C1QL3: variants seen among roughly 807,000 people sequenced by gnomAD.
C1QL3 encodes the protein complement C1q-like protein 3.
C1QL3 carries 4 observed loss-of-function variants against 16.6 expected under a neutral mutation model. The observed-to-expected ratio is 0.24, with a 90% confidence interval of 0.12 to 0.55. C1QL3 has a LOEUF of 0.55. Among genes scored for constraint, C1QL3 ranks in the 20% least tolerant of loss-of-function variants. C1QL3 has a pLI of 0.94. For synonymous variants in C1QL3, 189 were observed against 160.2 expected (o/e 1.18, Z -1.36); for missense variants, 269 against 365.6 (o/e 0.74, Z 2.16).
At chr10:16,516,409 A>T (rs916883149) in intron 1 of C1QL3, among the ~76,000 whole-genome samples, 1 of 152,180 alleles carries the variant, frequency 6.6e-6, no homozygotes, top group African/African-American at 2.4e-5. Context: ...TACAAGAAGG[A>T]TATTGCTATT....
chr10:16,518,474 T>C (rs894935848), intron 1 of C1QL3, among the ~76,000 whole-genome samples: 1 of 152,218 alleles, frequency 6.6e-6, no homozygotes, highest in Non-Finnish European at 1.5e-5. Flanking sequence ...GGAATGTGTG[T>C]GCTAGTGTGA....
intron 1 of C1QL3, among the ~76,000 whole-genome samples, chr10:16,518,048 A>G (rs11254044): frequency 0.24 from 36,438 of 152,104 alleles, 4,908 homozygotes; most frequent in African/African-American, 0.35. Context: ...TCCATAGAAC[A>G]TTACACTGAC....
chr10:16,516,735 G>A (rs1836957467), intron 1 of C1QL3, among the ~76,000 whole-genome samples: 1 of 152,186 alleles, frequency 6.6e-6, no homozygotes, highest in African/African-American at 2.4e-5. Flanking sequence ...ACAAAACCGA[G>A]TGAACGTCAC....
At chr10:16,519,438 G>T (rs966724446) in intron 1 of C1QL3, among the ~76,000 whole-genome samples, 6 of 150,972 alleles carry the variant, frequency 4.0e-5, no homozygotes, top group Non-Finnish European at 8.8e-5. Flanking sequence ...GCAAGGCCTC[G>T]CCTCAGTGGC....
Position 16,515,224 on chromosome 10 carries a change from G to GAA in C1QL3, c.589-519_589-518dup, listed in dbSNP as rs71952606. Among the ~76,000 whole-genome samples the GAA allele has an allele frequency of 1.2e-3, 165 of 134,858 alleles. 1 individual carries two copies. The highest frequency in any genetic ancestry group is 5.3e-3 in the South Asian group (23 of 4,304). The allele number at this position is 134,858 out of a possible 152,430, so 88.5% of individuals were successfully genotyped here. A position where few individuals can be genotyped will look rare whatever the true frequency, so the allele number is the denominator to read the frequency against. ...TACCAACTCCTCTACTACTTACAAA[G>GAA]AAAAAAAAAAAAAAGAAAAAGTCTT... is the stretch of plus-strand genomic sequence containing the variant. On this transcript the variant is annotated intron_variant, in intron 1 of 1. Coordinates refer to ENST00000298943, the MANE Select transcript of C1QL3 (RefSeq NM_001010908.2).
chr10:16,520,880 G>A lies in C1QL3; in HGVS notation c.186C>T (p.Pro62=). 1.0e-5 allele frequency: 15 copies of A among 1,505,714 alleles called. No individual in the cohort carries two copies. Among genetic ancestry groups the A allele is most frequent in the Non-Finnish European group, 1.3e-5 (15 of 1,133,738 alleles). The allele number at this position is 1,505,714 out of a possible 1,614,324, so 93.3% of individuals were successfully genotyped here. ...MQSLPTFIQG[P]KGEAGRPGKA... ...TCCCGGGCCTGCCGGCCTCGCCTTT[G>A]GGGCCCTGGATGAAGGTGGGCAGGG... Residue 62 remains proline, a synonymous_variant, in exon 1 of 2, where the codon CCC becomes CCT. Transcript: ENST00000298943. This position sits in a 1 kb window ranked among gnomAD's most constrained non-coding sequence, Gnocchi z 8.3.
At position 16,514,638 on chromosome 10, in the gene C1QL3, GA is replaced by G. The variant is rs1489423254; in HGVS notation, c.657del (p.His220IlefsTer12). ...NYDYASNSVV[L>X]HLEPGDEVYI... is the part of the protein sequence containing the mutation. ...TAGACTTCATCTCCCGGCTCCAAATGAAGAACCACACTGTTACTGGCATAGT... is the reference window on the plus strand; with the variant it reads ...TAGACTTCATCTCCCGGCTCCAAATGAGAACCACACTGTTACTGGCATAGT... On this transcript the variant is annotated frameshift_variant, in exon 2 of 2. Transcript: ENST00000298943. LOFTEE classifies it high-confidence loss of function. 6.2e-7 allele frequency: 1 copy of G among 1,613,918 alleles called. No individual in the cohort carries two copies. Among genetic ancestry groups the G allele is most frequent in the African/African-American group, 1.3e-5 (1 of 75,050 alleles).
rs1340734320 is a variant in C1QL3, at chr10:16,520,137, C to T, written c.588+341G>A. Among the ~76,000 whole-genome samples, 5 of 152,202 alleles carry T rather than the reference C, an allele frequency of 3.3e-5. No homozygotes were observed. Among genetic ancestry groups the T allele is most frequent in the Non-Finnish European group, 5.9e-5 (4 of 68,026 alleles). ...CCCTCTGTTGCGGAGGATCCCACGGCCAGGGGTCGCTTCCCGCGCCGGGAC... is the reference window on the plus strand; with the variant it reads ...CCCTCTGTTGCGGAGGATCCCACGGTCAGGGGTCGCTTCCCGCGCCGGGAC... On this transcript the variant is annotated intron_variant, in intron 1 of 1. Coordinates refer to ENST00000298943, the MANE Select transcript of C1QL3 (RefSeq NM_001010908.2). The surrounding 1 kb of genome is among the most constrained non-coding windows in gnomAD (Gnocchi z 8.3).
rs4747277 is a variant in C1QL3 at position 16,513,803 on chromosome 10, A to G, written c.*725T>C. 0.26 allele frequency: 39,087 copies of G among 152,680 alleles called. 5,510 individuals are homozygous for G. The highest frequency in any genetic ancestry group is 0.41 in the Middle Eastern group (121 of 294). The allele number at this position is 152,680 out of a possible 1,614,324, so 9.5% of individuals were successfully genotyped here. On this transcript the variant is annotated 3_prime_UTR_variant, in exon 2 of 2. Coordinates refer to ENST00000298943, the MANE Select transcript of C1QL3 (RefSeq NM_001010908.2). ...TAAGGGCTTTTTCTAAATACCGTAC[A>G]TAATTACACATTTTCACACTTAGAG...
intron 1 of C1QL3, 95 bp from the exon 2 acceptor site, chr10:16,514,802 A>G (rs999118888): frequency 9.1e-6 from 8 of 877,680 alleles, no homozygotes; most frequent in African/African-American, 5.1e-5. Flanking sequence ...ACTTGCTGCC[A>G]TAGTACAGAA....
chr10:16,514,958 A>C (rs73595362), intron 1 of C1QL3, among the ~76,000 whole-genome samples: 9,459 of 152,212 alleles, frequency 0.062, 949 homozygotes, highest in African/African-American at 0.21. Flanking sequence ...CTAACTACAC[A>C]TTCTAAACTA....
chr10:16,520,622 C>T lies in C1QL3; in HGVS notation c.444G>A (p.Val148=). The T allele has an allele frequency of 1.2e-6, 2 of 1,613,706 alleles. No individual in the cohort carries two copies. Among genetic ancestry groups the T allele is most frequent in the Non-Finnish European group, 1.7e-6 (2 of 1,179,800 alleles). Residue 148 remains valine, a synonymous_variant, in exon 1 of 2, where the codon GTG becomes GTA. Transcript: ENST00000298943. This position sits in a 1 kb window ranked among gnomAD's most constrained non-coding sequence, Gnocchi z 8.3. The part of the protein sequence containing the change: ...EGYEVLKFDD[V]VTNLGNHYDP... ...CGTAGTGGTTTCCGAGGTTGGTGACCACGTCGTCGAACTTGAGCACCTCGT... is the reference window on the plus strand; with the variant it reads ...CGTAGTGGTTTCCGAGGTTGGTGACTACGTCGTCGAACTTGAGCACCTCGT...
intron 1 of C1QL3, among the ~76,000 whole-genome samples, chr10:16,517,503 A>G (rs1342885947): frequency 6.6e-6 from 1 of 152,220 alleles, no homozygotes; most frequent in Non-Finnish European, 1.5e-5. Context: ...ATTGTATTCA[A>G]ATAGCAATTT....
chr10:16,521,126 C>T lies in C1QL3; in HGVS notation c.-61G>A, dbSNP rs1027205144. ...TCCTGCTGCCCACCAGCCGGCTCAG[C>T]GCGGGGCGATCCTCTTGTCTGCTTT... is the stretch of plus-strand genomic sequence containing the variant. On this transcript the variant is annotated 5_prime_UTR_variant, in exon 1 of 2. Transcript: ENST00000298943. 2.1e-6 allele frequency: 3 copies of T among 1,450,010 alleles called. No individual in the cohort carries two copies. Among genetic ancestry groups the T allele is most frequent in the African/African-American group, 2.8e-5 (2 of 70,990 alleles). 89.8% of individuals were successfully genotyped at this position (1,450,010 alleles called of 1,614,324 possible).
At chr10:16,518,426 G>T (rs1836986309) in intron 1 of C1QL3, among the ~76,000 whole-genome samples, 1 of 152,144 alleles carries the variant, frequency 6.6e-6, no homozygotes, top group Admixed American at 6.5e-5. Context: ...ACATTATAAG[G>T]TCAGCTGTTT....
chr10:16,520,441 T>TCCCAA lies in C1QL3; in HGVS notation c.588+36_588+37insTTGGG. 9.8e-6 allele frequency: 12 copies of TCCCAA among 1,227,512 alleles called. No homozygotes were observed. The highest frequency in any genetic ancestry group is 2.1e-5 in the Admixed American group (1 of 46,648). The allele number at this position is 1,227,512 out of a possible 1,614,324, so 76.0% of individuals were successfully genotyped here. A position where few individuals can be genotyped will look rare whatever the true frequency, so the allele number is the denominator to read the frequency against. Reference sequence around the variant, plus strand: ...CCCTCTCGCCCGCACCTTCCCGCGCTCCCTCCCCGCCCTCCCCGCCGCCCG... The same window carrying TCCCAA: ...CCCTCTCGCCCGCACCTTCCCGCGCTCCCAACCCTCCCCGCCCTCCCCGCCGCCCG... On this transcript the variant is annotated intron_variant, in intron 1 of 1. Coordinates refer to ENST00000298943, the MANE Select transcript of C1QL3 (RefSeq NM_001010908.2). The surrounding 1 kb of genome is among the most constrained non-coding windows in gnomAD (Gnocchi z 8.3).
In C1QL3 at chr10:16,521,179, G is replaced by A; in HGVS notation, c.-114C>T. On this transcript the variant is annotated 5_prime_UTR_variant, in exon 1 of 2. Coordinates refer to ENST00000298943, the MANE Select transcript of C1QL3 (RefSeq NM_001010908.2). ...GACAGAATTTTGAAGGTTGGGCGGG[G>A]ACCTCTTCAGAGCCGAAAACAACCC... 3 of 1,003,304 alleles carry A rather than the reference G, an allele frequency of 3.0e-6. No individual in the cohort carries two copies. The highest frequency in any genetic ancestry group is 1.5e-5 in the South Asian group (1 of 65,202). 62.2% of individuals were successfully genotyped at this position (1,003,304 alleles called of 1,614,324 possible).
Position 16,521,006 on chromosome 10 carries a change from C to T in C1QL3, c.60G>A (p.Ala20=), listed in dbSNP as rs1036466379. The change falls in exon 1 of 2, where the codon GCG becomes GCA. Residue 20 remains alanine, a synonymous_variant. Coordinates refer to ENST00000298943, the MANE Select transcript of C1QL3 (RefSeq NM_001010908.2). The part of the protein sequence containing the change: ...PVLVSSAGTS[A]HYEMLGTCRM... ...GGCAGGTGCCCAGCATCTCGTAGTG[C>T]GCCGACGTGCCGGCCGAGCTCACCA... is the stretch of plus-strand genomic sequence containing the variant. 6.9e-6 allele frequency: 11 copies of T among 1,597,958 alleles called. No homozygotes were observed. The highest frequency in any genetic ancestry group is 5.0e-5 in the Admixed American group (3 of 59,606).
intron 1 of C1QL3, among the ~76,000 whole-genome samples, chr10:16,518,144 A>G (rs1023586346): frequency 6.6e-6 from 1 of 152,258 alleles, no homozygotes; most frequent in African/African-American, 2.4e-5. Context: ...AGACCAGAAT[A>G]TAATTGAAAA....
Sources: gnomAD v4.1 joint callset for allele counts (sites outside exome capture counted in the v4.1 genomes callset) on GRCh38, gnomAD v4.1.1 for gene constraint, Gnocchi (gnomAD v3.1) non-coding constraint, MANE v1.5 for transcripts, NCBI Gene and HGNC (gene_info 2026-07-23, HGNC 2026-07-21) for gene names.